The following PRKCE variants were observed in gnomAD, a reference collection of about 807,000 sequenced individuals.
PRKCE encodes protein kinase C epsilon, also known as protein kinase C epsilon type.
A neutral mutation model predicts 85.4 loss-of-function variants in PRKCE; 16 were observed. The ratio of observed to expected loss-of-function variants is 0.19; its 90% confidence interval spans 0.13 to 0.28. The LOEUF (loss-of-function observed/expected upper bound fraction) is 0.28, where lower values mean the gene tolerates loss of function less well. PRKCE is among the 10% of genes least tolerant of loss of function. PRKCE has a pLI of 1.00. For synonymous variants in PRKCE, 388 were observed against 371.5 expected, an observed-to-expected ratio of 1.04 and a Z score of -0.51; for missense variants, 573 against 975.2, an observed-to-expected ratio of 0.59 and a Z score of 5.49.
chr2:45,957,917 A>ATT (rs11403708), intron 2 of PRKCE, among the ~76,000 whole-genome samples: 5,518 of 135,252 alleles, frequency 0.041, 357 homozygotes, highest in African/African-American at 0.13. Flanking sequence ...CTGTGTCTCT[A>ATT]TTTTTTTTTT....
At chr2:45,692,836 G>T (rs1021930985) in intron 1 of PRKCE, among the ~76,000 whole-genome samples, 3 of 152,160 alleles carry the variant, frequency 2.0e-5, no homozygotes, top group Non-Finnish European at 2.9e-5. Flanking sequence ...GGGTGAGTTT[G>T]CCCTGGCATG....
chr2:45,862,706 G>A (rs978633014), intron 2 of PRKCE, among the ~76,000 whole-genome samples: 8 of 152,174 alleles, frequency 5.3e-5, no homozygotes, highest in African/African-American at 1.2e-4. Flanking sequence ...GGGATTGCTA[G>A]GACTCAGAGC....
intron 2 of PRKCE, among the ~76,000 whole-genome samples, chr2:45,877,590 C>T (rs1245915087): frequency 1.3e-5 from 2 of 152,062 alleles, no homozygotes; most frequent in African/African-American, 4.8e-5. Context: ...CTATTTGGTT[C>T]TCTATAAAAT....
chr2:45,889,550 G>A (rs1353013035), intron 2 of PRKCE, among the ~76,000 whole-genome samples: 2 of 141,406 alleles, frequency 1.4e-5, no homozygotes, highest in South Asian at 2.4e-4. Flanking sequence ...GTATTTAAAT[G>A]CAGTACTGGC....
intron 12 of PRKCE, among the ~76,000 whole-genome samples, chr2:46,150,699 G>A (rs144062209): frequency 5.9e-5 from 9 of 152,146 alleles, no homozygotes; most frequent in Admixed American, 1.3e-4. Context: ...AGTATGCATC[G>A]TGCTCCCCTG....
At chr2:45,857,410 C>T (rs12622769) in intron 2 of PRKCE, among the ~76,000 whole-genome samples, 4,622 of 152,332 alleles carry the variant, frequency 0.03, 210 homozygotes, top group East Asian at 0.26. Context: ...ACGTGATCAT[C>T]TGGGCAGCCT....
Position 46,047,180 on chromosome 2 carries a change from G to C in PRKCE, c.1437+36663G>C, listed in dbSNP as rs560767884. 4.6e-5 allele frequency among the ~76,000 whole-genome samples: 7 copies of C among 152,300 alleles called. No homozygotes were observed. The South Asian group carries it at 8.3e-4, about 18-fold the overall frequency. On this transcript the variant is annotated intron_variant, in intron 10 of 14. Coordinates refer to ENST00000306156, the MANE Select transcript of PRKCE (RefSeq NM_005400.3). The stretch of plus-strand genomic sequence containing the variant: ...GAGAAGTTTTGAGGCACAGGATTAA[G>C]AGCAGGCTGGGCCAGGTGAGTCAAA...
intron 1 of PRKCE, among the ~76,000 whole-genome samples, chr2:45,719,000 T>C (rs1680383580): frequency 6.6e-6 from 1 of 152,258 alleles, no homozygotes; most frequent in Admixed American, 6.5e-5. Flanking sequence ...ACCTAAAGAA[T>C]TGACATTCAG....
chr2:45,867,560 A>T (rs954700979), intron 2 of PRKCE, among the ~76,000 whole-genome samples: 1 of 152,202 alleles, frequency 6.6e-6, no homozygotes, highest in South Asian at 2.1e-4. Context: ...GTTAACTGTC[A>T]TTATGAAAGT....
At chr2:45,677,532 A>G (rs1676570868) in intron 1 of PRKCE, among the ~76,000 whole-genome samples, 1 of 151,588 alleles carries the variant, frequency 6.6e-6, no homozygotes, top group Admixed American at 6.6e-5. Context: ...AATTTTTTGT[A>G]TTTTTAGTAG....
intron 1 of PRKCE, among the ~76,000 whole-genome samples, chr2:45,707,011 G>A (rs1679168863): frequency 6.6e-6 from 1 of 152,170 alleles, no homozygotes; most frequent in South Asian, 2.1e-4. Flanking sequence ...TTTGACTGGG[G>A]AACTAGCTCT....
At chr2:46,024,419 G>A (rs1706938105) in intron 10 of PRKCE, among the ~76,000 whole-genome samples, 1 of 151,896 alleles carries the variant, frequency 6.6e-6, no homozygotes, top group South Asian at 2.1e-4. Flanking sequence ...GAAGGATCAT[G>A]GGCAAAAAGA....
intron 2 of PRKCE, 146 bp downstream of exon 2, chr2:45,843,209 C>T: frequency 1.3e-6 from 1 of 756,564 alleles, no homozygotes; most frequent in Non-Finnish European, 2.2e-6. Context: ...TTTGAAGATG[C>T]TTACGCCTGT....
intron 11 of PRKCE, among the ~76,000 whole-genome samples, chr2:46,110,288 G>A (rs1326392309): frequency 6.6e-6 from 1 of 152,022 alleles, no homozygotes; most frequent in Non-Finnish European, 1.5e-5. Context: ...TTAAGTGTTT[G>A]GTACAATTCA....
Position 45,785,334 on chromosome 2 carries a change from T to C in PRKCE, c.349-57666T>C, listed in dbSNP as rs148817130. ...GGCGAAACCCTGTCTCTACTAAAATTACAAAAATTAGCTGGGTGTGGTGGT... is the reference window on the plus strand; with the variant it reads ...GGCGAAACCCTGTCTCTACTAAAATCACAAAAATTAGCTGGGTGTGGTGGT... On this transcript the variant is annotated intron_variant, in intron 1 of 14. Transcript: ENST00000306156. Among the ~76,000 whole-genome samples, 803 of 151,966 alleles carry C rather than the reference T, an allele frequency of 5.3e-3. 3 individuals are homozygous for C. The highest frequency in any genetic ancestry group is 0.018 in the African/African-American group (756 of 41,448).
At position 46,159,841 on chromosome 2, in the gene PRKCE, G is replaced by A; in HGVS notation, c.2067+89G>A. The A allele has an allele frequency of 6.6e-7, 1 of 1,520,664 alleles. No individual in the cohort carries two copies. The highest frequency in any genetic ancestry group is 1.2e-5 in the South Asian group (1 of 84,764). 94.2% of individuals were successfully genotyped at this position (1,520,664 alleles called of 1,614,324 possible). A position where few individuals can be genotyped will look rare whatever the true frequency, so the allele number is the denominator to read the frequency against. Reference sequence around the variant, plus strand: ...GCGTGCACCCAGGAAGAGTTGGTCAGGGGATGCGTATTACAGTAAAAATGA... The same window carrying A: ...GCGTGCACCCAGGAAGAGTTGGTCAAGGGATGCGTATTACAGTAAAAATGA... On this transcript the variant is annotated intron_variant, in intron 14 of 14. Coordinates refer to ENST00000306156, the MANE Select transcript of PRKCE (RefSeq NM_005400.3). This position sits in a 1 kb window ranked among gnomAD's most constrained non-coding sequence, Gnocchi z 4.1.
At chr2:45,928,218 A>G (rs1698773729) in intron 2 of PRKCE, among the ~76,000 whole-genome samples, 1 of 152,160 alleles carries the variant, frequency 6.6e-6, no homozygotes, top group Non-Finnish European at 1.5e-5. Context: ...GTGGTGTGTG[A>G]CCATGGGTAT....
chr2:46,075,173 TG>T (rs1668449735), intron 10 of PRKCE, among the ~76,000 whole-genome samples: 1 of 152,058 alleles, frequency 6.6e-6, no homozygotes, highest in South Asian at 2.1e-4. Flanking sequence ...CCCGAGTAGC[TG>T]GGACTGTAGG....
chr2:45,727,842 A>G (rs925179075), intron 1 of PRKCE, among the ~76,000 whole-genome samples: 2 of 151,920 alleles, frequency 1.3e-5, no homozygotes, highest in Non-Finnish European at 2.9e-5. Context: ...TTTAGTAGAG[A>G]CGGGGTTTCA....
Sources: gnomAD v4.1 joint callset for allele counts (sites outside exome capture counted in the v4.1 genomes callset) on GRCh38, gnomAD v4.1.1 for gene constraint, Gnocchi (gnomAD v3.1) non-coding constraint, MANE v1.5 for transcripts, NCBI Gene and HGNC (gene_info 2026-07-23, HGNC 2026-07-21) for gene names.